Variants in FAM13A observed in about 807,000 individuals in gnomAD.
The protein encoded by FAM13A is protein FAM13A.
In FAM13A, 76 loss-of-function variants were observed where a neutral mutation model predicts 129.6. The ratio of observed to expected loss-of-function variants is 0.59; its 90% CI spans 0.49 to 0.71. The LOEUF is 0.71. Among genes scored for constraint, FAM13A ranks in the 30% least tolerant of loss-of-function variants. The pLI is 0.00. For missense variants in FAM13A, 1,108 were observed against 1,249.3 expected, an observed-to-expected ratio of 0.89 and a Z score of 1.70; for synonymous variants, 443 against 449.9, an observed-to-expected ratio of 0.98 and a Z score of 0.20.
intron 6 of FAM13A, among the ~76,000 whole-genome samples, chr4:88,875,028 C>A (rs1032287883): frequency 6.6e-6 from 1 of 152,260 alleles, no homozygotes; most frequent in East Asian, 1.9e-4. Flanking sequence ...CTGACAAAAA[C>A]AAGAAATGGG....
At chr4:88,769,996 A>G (rs1376710768) in intron 11 of FAM13A, among the ~76,000 whole-genome samples, 2 of 152,186 alleles carry the variant, frequency 1.3e-5, no homozygotes, top group African/African-American at 4.8e-5. Flanking sequence ...GATATTTGTT[A>G]TAATATCTCC....
At chr4:88,918,569 G>C (rs1177810053) in intron 5 of FAM13A, among the ~76,000 whole-genome samples, 3 of 152,206 alleles carry the variant, frequency 2.0e-5, no homozygotes, top group African/African-American at 7.2e-5. Context: ...AACAATGCAA[G>C]TTAGGTAAGT....
intron 1 of FAM13A, among the ~76,000 whole-genome samples, chr4:89,056,560 T>C (rs1214396636): frequency 1.3e-5 from 2 of 152,196 alleles, no homozygotes; most frequent in African/African-American, 4.8e-5. Context: ...AATAAATTAA[T>C]GGTTACTTCA....
At chr4:89,013,318 A>G (rs1765982259) in intron 3 of FAM13A, among the ~76,000 whole-genome samples, 1 of 141,448 alleles carries the variant, frequency 7.1e-6, no homozygotes, top group South Asian at 2.3e-4. Flanking sequence ...GTATATACAT[A>G]TAACACAGTA....
chr4:88,974,895 CTAT>C (rs1370684296), intron 4 of FAM13A, among the ~76,000 whole-genome samples: 1 of 152,128 alleles, frequency 6.6e-6, no homozygotes, highest in Non-Finnish European at 1.5e-5. Flanking sequence ...GTTAGCATCT[CTAT>C]TATTAACACC....
intron 7 of FAM13A, among the ~76,000 whole-genome samples, chr4:88,815,839 A>G (rs1378898334): frequency 6.6e-6 from 1 of 152,040 alleles, no homozygotes; most frequent in Non-Finnish European, 1.5e-5. Context: ...GCTGAATGTA[A>G]CATTGCTCTT....
rs568559012 is a variant in FAM13A at position 88,991,601 on chromosome 4, C to A, written c.428-451G>T. Among the ~76,000 whole-genome samples the A allele has an allele frequency of 2.6e-5, 4 of 152,128 alleles. No individual in the cohort carries two copies. The East Asian group carries it at 7.7e-4, about 29-fold the overall frequency. On this transcript the variant is annotated intron_variant, in intron 3 of 23. Coordinates refer to ENST00000264344, the MANE Select transcript of FAM13A (RefSeq NM_014883.4). ...TTAGGTTTTTGATCCACAGTGGAAT[C>A]TTCCATTTGATTTTTGTCTTCAACT...
At position 88,903,719 on chromosome 4, in the gene FAM13A, A is replaced by C. The variant is rs867928306; in HGVS notation, c.843+2660T>G. Among the ~76,000 whole-genome samples, 96 of 152,330 alleles carry C rather than the reference A, an allele frequency of 6.3e-4. 1 individual carries two copies. The highest frequency in any genetic ancestry group is 2.1e-3 in the African/African-American group (89 of 41,572). ...ACCATTCAGGACATAAGCATGGGCA[A>C]AGATTTCAGGACGAAAACACCAAAA... On this transcript the variant is annotated intron_variant, in intron 6 of 23. Coordinates refer to ENST00000264344, the MANE Select transcript of FAM13A (RefSeq NM_014883.4).
chr4:89,006,030 T>G lies in FAM13A; in HGVS notation c.427+14430A>C, dbSNP rs1041581948. ...TTGCCTAGGTTGTCTTCCAGGTTTTTATAGTTTTGGGTTTTACATTTAAGT... is the reference window on the plus strand; with the variant it reads ...TTGCCTAGGTTGTCTTCCAGGTTTTGATAGTTTTGGGTTTTACATTTAAGT... On this transcript the variant is annotated intron_variant, in intron 3 of 23. Transcript: ENST00000264344. 2.6e-5 allele frequency among the ~76,000 whole-genome samples: 4 copies of G among 152,222 alleles called. No individual in the cohort carries two copies. The East Asian group carries it at 7.7e-4, about 29-fold the overall frequency.
At chr4:88,929,613 G>C (rs572818890) in intron 5 of FAM13A, among the ~76,000 whole-genome samples, 2 of 151,576 alleles carry the variant, frequency 1.3e-5, no homozygotes, top group African/African-American at 4.8e-5. Context: ...TGTCTGACTG[G>C]ATTATTTCAA....
intron 1 of FAM13A, among the ~76,000 whole-genome samples, chr4:89,047,506 CA>C (rs903214889): frequency 1.3e-5 from 2 of 151,872 alleles, no homozygotes; most frequent in Non-Finnish European, 2.9e-5. Context: ...CCAGACCAAA[CA>C]AAAAAAGTTT....
At chr4:88,769,346 C>G (rs949049611) in intron 11 of FAM13A, among the ~76,000 whole-genome samples, 1 of 152,094 alleles carries the variant, frequency 6.6e-6, no homozygotes, top group Non-Finnish European at 1.5e-5. Context: ...AGAATAGAAA[C>G]AAAGGGAGAT....
At chr4:88,837,026 C>T (rs1242029648) in intron 7 of FAM13A, among the ~76,000 whole-genome samples, 1 of 151,824 alleles carries the variant, frequency 6.6e-6, no homozygotes, top group Non-Finnish European at 1.5e-5. Context: ...CGAAGTTTCA[C>T]TCTTGTTGCC....
intron 6 of FAM13A, among the ~76,000 whole-genome samples, chr4:88,893,625 T>C (rs923586136): frequency 4.1e-4 from 33 of 79,540 alleles, no homozygotes; most frequent in African/African-American, 1.7e-3. Context: ...TCTGTCTCAA[T>C]GAATGAATGA....
At position 88,948,918 on chromosome 4, in the gene FAM13A, A is replaced by C. The variant is rs544137040; in HGVS notation, c.606-10677T>G. Among the ~76,000 whole-genome samples, 8 of 152,380 alleles carry C rather than the reference A, an allele frequency of 5.3e-5. No individual in the cohort carries two copies. The South Asian group carries it at 1.4e-3, about 28-fold the overall frequency. ...CTAACTCTCTAAAATAATGCTTTGC[A>C]AACTGGTATTAAACTAGATCTTTCT... On this transcript the variant is annotated intron_variant, in intron 4 of 23. Transcript: ENST00000264344.
chr4:88,735,823 C>T (rs1231721889), intron 21 of FAM13A, among the ~76,000 whole-genome samples: 2 of 151,696 alleles, frequency 1.3e-5, no homozygotes, highest in African/African-American at 2.4e-5. Context: ...ATGATGTGGG[C>T]CAGGAGATAA....
intron 5 of FAM13A, among the ~76,000 whole-genome samples, chr4:88,912,761 C>G (rs529441435): frequency 6.6e-6 from 1 of 152,108 alleles, no homozygotes; most frequent in African/African-American, 2.4e-5. Context: ...TTTCTGAATC[C>G]TCTACTAAAG....
intron 9 of FAM13A, among the ~76,000 whole-genome samples, chr4:88,788,768 C>T (rs1210503928): frequency 6.6e-6 from 1 of 152,018 alleles, no homozygotes; most frequent in Non-Finnish European, 1.5e-5. Flanking sequence ...TGTTTTTCTT[C>T]GCTTGAAAAA....
intron 2 of FAM13A, among the ~76,000 whole-genome samples, chr4:89,025,454 C>T (rs953593119): frequency 3.1e-4 from 46 of 150,482 alleles, no homozygotes; most frequent in African/African-American, 9.3e-4. Flanking sequence ...TTAGTAGAGA[C>T]GGGGTTTCAC....
Sources: gnomAD v4.1 joint callset for allele counts (sites outside exome capture counted in the v4.1 genomes callset) on GRCh38, gnomAD v4.1.1 for gene constraint, MANE v1.5 for transcripts, NCBI Gene and HGNC (gene_info 2026-07-23, HGNC 2026-07-21) for gene names.